Variants in TRPV4 observed in about 807,000 individuals in gnomAD.
TRPV4 encodes the protein transient receptor potential cation channel subfamily V member 4.
TRPV4 carries 58 observed loss-of-function variants against 84.1 expected under a neutral mutation model. The ratio of observed to expected loss-of-function variants is 0.69; its 90% CI spans 0.56 to 0.86. The LOEUF is 0.86. Ranked by LOEUF, TRPV4 falls within the 40% of genes least tolerant of loss-of-function variation. TRPV4 has a pLI of 0.00. For synonymous variants in TRPV4, 489 were observed against 500.9 expected, an observed-to-expected ratio of 0.98 and a Z score of 0.32; for missense variants, 879 against 1,181.1, an observed-to-expected ratio of 0.74 and a Z score of 3.75.
In TRPV4 at chr12:109,808,396, G is replaced by T; in HGVS notation, c.459C>A (p.Ile153=). The T allele has an allele frequency of 6.2e-7, 1 of 1,614,208 alleles. No individual in the cohort carries two copies. Among genetic ancestry groups the T allele is most frequent in the Non-Finnish European group, 8.5e-7 (1 of 1,180,034 alleles). ...PPILKVFNRP[I]LFDIVSRGST... Reference sequence around the variant, plus strand: ...AGCCCCGGGACACGATGTCAAAGAGGATAGGCCGGTTGAAGACTTTGAGGA... The same window carrying T: ...AGCCCCGGGACACGATGTCAAAGAGTATAGGCCGGTTGAAGACTTTGAGGA... Residue 153 remains isoleucine (I), a synonymous_variant, in exon 3 of 16, where the codon ATC becomes ATA. Transcript: ENST00000261740.
intron 5 of TRPV4, among the ~76,000 whole-genome samples, chr12:109,800,285 G>T (rs1033826861): frequency 2.0e-4 from 31 of 152,128 alleles, no homozygotes; most frequent in African/African-American, 7.0e-4. Context: ...TTGCTATGTT[G>T]CCTAGGCTGG....
rs1890437667 is a variant in TRPV4 at position 109,796,885 on chromosome 12, G to A, written c.1153-181C>T. 6.6e-6 allele frequency among the ~76,000 whole-genome samples: 1 copy of A among 152,144 alleles called. No homozygotes were observed. Among genetic ancestry groups the A allele is most frequent in the Admixed American group, 6.5e-5 (1 of 15,278 alleles). On this transcript the variant is annotated intron_variant, in intron 6 of 15. Coordinates refer to ENST00000261740, the MANE Select transcript of TRPV4 (RefSeq NM_021625.5). This position sits in a 1 kb window ranked among gnomAD's most constrained non-coding sequence, Gnocchi z 4.2. ...GGTTTACAGATAAAGAATGGAGGCTGGGAAAAACGAAGGGTGTTCCAGAAG... is the reference window on the plus strand; with the variant it reads ...GGTTTACAGATAAAGAATGGAGGCTAGGAAAAACGAAGGGTGTTCCAGAAG...
At chr12:109,809,469 CATCA>C (rs1370102960) in intron 2 of TRPV4, among the ~76,000 whole-genome samples, 7 of 151,212 alleles carry the variant, frequency 4.6e-5, no homozygotes, top group African/African-American at 1.5e-4. Context: ...TCCATCCATC[CATCA>C]CTCATCCATT....
intron 2 of TRPV4, 72 bp from the exon 3 acceptor site, chr12:109,808,540 G>T: frequency 6.8e-7 from 1 of 1,479,166 alleles, no homozygotes; most frequent in Non-Finnish European, 9.2e-7. Context: ...TGGCCTTAGG[G>T]ACCCAGAGAC....
Position 109,792,369 on chromosome 12 carries a change from C to T in TRPV4, c.1885G>A (p.Ala629Thr), listed in dbSNP as rs200838499. 49 of 1,613,552 alleles carry T rather than the reference C, an allele frequency of 3.0e-5. No homozygotes were observed. In the Admixed American group the frequency reaches 6.7e-4, roughly 22 times the overall value. ...LVYLLFMIGY[A>T]SALVSLLNPC... ...CTGAGCACCCAGAGCTCACCTGAAG[C>T]GTAGCCGATCATGAAGAGCAAGTAG... The change falls in exon 12 of 16, where the codon GCT (alanine) becomes ACT (threonine). Residue 629 changes from alanine (A) to threonine (T), a missense_variant. This residue lies in a region of TRPV4 where 242 missense variants were observed against 355.3 expected (regional missense o/e 0.68). Coordinates refer to ENST00000261740, the MANE Select transcript of TRPV4 (RefSeq NM_021625.5).
At position 109,784,399 on chromosome 12, in the gene TRPV4, A is replaced by G; in HGVS notation, c.2375T>C (p.Leu792Ser). 6.2e-7 allele frequency: 1 copy of G among 1,614,148 alleles called. No homozygotes were observed. Among genetic ancestry groups the G allele is most frequent in the South Asian group, 1.1e-5 (1 of 91,078 alleles). ...GCCCGGGTCCTCGTTGATGATGCCC[A>G]AGTTCTGGTTCCAGTGAGACCAGTT... is the stretch of plus-strand genomic sequence containing the variant. ...EVNWSHWNQN[L>S]GIINEDPGKN... The change falls in exon 15 of 16, where the codon TTG (leucine) becomes TCG (serine). Residue 792 changes from leucine (L) to serine (S), a missense_variant. By Grantham distance (145) the Leu-to-Ser change is moderately radical. Coordinates refer to ENST00000261740, the MANE Select transcript of TRPV4 (RefSeq NM_021625.5).
intron 12 of TRPV4, among the ~76,000 whole-genome samples, chr12:109,788,936 TA>T (rs1444310579): frequency 6.6e-6 from 1 of 152,204 alleles, no homozygotes; most frequent in African/African-American, 2.4e-5. Flanking sequence ...CTCTTGCTGA[TA>T]AGGAAGAGGT....
intron 10 of TRPV4, 41 bp from the exon 11 acceptor site, chr12:109,792,858 A>G (rs1307634903): frequency 6.2e-7 from 1 of 1,608,698 alleles, no homozygotes; most frequent in South Asian, 1.1e-5. Flanking sequence ...CAGAGGGGAG[A>G]GGGGACAATG....
At chr12:109,792,278 G>A (rs1249126356) in intron 12 of TRPV4, 85 bp downstream of exon 12, 1 of 1,012,522 alleles carries the variant, frequency 9.9e-7, no homozygotes, top group Non-Finnish European at 1.5e-6. Context: ...ACTCAGCAAG[G>A]CTGCTATTGT....
At position 109,796,668 on chromosome 12, in the gene TRPV4, C is replaced by T; in HGVS notation, c.1189G>A (p.Glu397Lys). 1 of 1,613,748 alleles carries T rather than the reference C, an allele frequency of 6.2e-7. No homozygotes were observed. Among genetic ancestry groups the T allele is most frequent in the Non-Finnish European group, 8.5e-7 (1 of 1,179,660 alleles). The change falls in exon 7 of 16, where the codon GAG becomes AAG. Residue 397 changes from glutamate to lysine, a missense_variant. By Grantham distance (56) the Glu-to-Lys change is moderately conservative. Around this residue, in one of 4 missense-constraint regions of TRPV4, gnomAD observed 521 missense variants for 686.6 expected, o/e 0.76. Coordinates refer to ENST00000261740, the MANE Select transcript of TRPV4 (RefSeq NM_021625.5). The surrounding 1 kb of genome is among the most constrained non-coding windows in gnomAD (Gnocchi z 4.2). ...TTGCGGGACAGGTGCCGTGTGTCCT[C>T]ATCCGTCACCTCCCGCCGGATGATG... ...QHIIRREVTD[E>K]DTRHLSRKFK...
chr12:109,808,639 C>G (rs1009176373), intron 2 of TRPV4, among the ~76,000 whole-genome samples, 171 bp from the exon 3 acceptor site: 9 of 152,186 alleles, frequency 5.9e-5, no homozygotes, highest in African/African-American at 1.9e-4. Context: ...TTTTATCCAA[C>G]AAACTATAGC....
At chr12:109,787,878 T>C (rs558090451) in intron 13 of TRPV4, among the ~76,000 whole-genome samples, 1 of 152,292 alleles carries the variant, frequency 6.6e-6, no homozygotes, top group African/African-American at 2.4e-5. Context: ...CTTTCCAGGA[T>C]TGCATAGAAA....
At chr12:109,794,657 G>A (rs1456241603) in intron 7 of TRPV4, among the ~76,000 whole-genome samples, 170 bp from the exon 8 acceptor site, 1 of 152,130 alleles carries the variant, frequency 6.6e-6, no homozygotes, top group Non-Finnish European at 1.5e-5. Flanking sequence ...GCCCAATTCT[G>A]CCTCAATGTA....
intron 2 of TRPV4, among the ~76,000 whole-genome samples, chr12:109,809,379 C>T (rs1434691226): frequency 2.0e-5 from 3 of 148,184 alleles, no homozygotes; most frequent in Non-Finnish European, 4.5e-5. Flanking sequence ...ATCATCCATC[C>T]ACCCATTCAT....
chr12:109,794,357 G>A lies in TRPV4; in HGVS notation c.1463C>T (p.Thr488Ile), dbSNP rs1480281613. The A allele has an allele frequency of 6.8e-6, 11 of 1,613,076 alleles. No homozygotes were observed. Among genetic ancestry groups the A allele is most frequent in the Non-Finnish European group, 9.3e-6 (11 of 1,180,026 alleles). ...YLCAMVIFTLTAYYQPLEGTP... is the reference protein window; with the variant it reads ...YLCAMVIFTLIAYYQPLEGTP... Reference sequence around the variant, plus strand: ...GCCCTCCAGCGGCTGGTAGTAGGCGGTGAGAGTGAAGATGACCATGGCACA... The same window carrying A: ...GCCCTCCAGCGGCTGGTAGTAGGCGATGAGAGTGAAGATGACCATGGCACA... Residue 488 changes from threonine (T) to isoleucine (I), a missense_variant, in exon 8 of 16, where the codon ACC becomes ATC. Thr to Ile is a moderately conservative substitution (Grantham distance 89). Around this residue, in one of 4 missense-constraint regions of TRPV4, gnomAD observed 521 missense variants for 686.6 expected, o/e 0.76. Transcript: ENST00000261740.
intron 8 of TRPV4, 133 bp from the exon 9 acceptor site, chr12:109,794,155 T>G (rs1427116389): frequency 1.1e-5 from 12 of 1,138,978 alleles, no homozygotes; most frequent in Non-Finnish European, 1.0e-5. Context: ...CTCCTGAGTC[T>G]TCCTCCTCCC....
intron 5 of TRPV4, among the ~76,000 whole-genome samples, chr12:109,799,942 A>C (rs1890667388): frequency 6.6e-6 from 1 of 150,450 alleles, no homozygotes; most frequent in Non-Finnish European, 1.5e-5. Flanking sequence ...TTATTTATTT[A>C]TTTATTTATT....
intron 12 of TRPV4, 105 bp downstream of exon 12, chr12:109,792,258 A>T: frequency 1.1e-6 from 1 of 885,522 alleles, no homozygotes; most frequent in Non-Finnish European, 1.7e-6. Context: ...AAAAAAAAAA[A>T]AAAAAAAGAA....
At chr12:109,830,352 T>G (rs1289515178) in intron 1 of TRPV4, among the ~76,000 whole-genome samples, 1 of 152,234 alleles carries the variant, frequency 6.6e-6, no homozygotes, top group African/African-American at 2.4e-5. Context: ...AATAGTTTTG[T>G]ATCCAAATGT....
Sources: allele counts gnomAD v4.1 joint callset (sites outside exome capture counted in the v4.1 genomes callset), GRCh38; gene constraint gnomAD v4.1.1; regional missense constraint gnomAD v4.1.1; non-coding constraint Gnocchi (gnomAD v3.1); transcripts MANE v1.5; gene names NCBI Gene and HGNC (gene_info 2026-07-23, HGNC 2026-07-21).